PPP1R9A: variants seen among roughly 807,000 people sequenced by gnomAD.
PPP1R9A encodes protein phosphatase 1 regulatory subunit 9A, also known as neurabin-1.
In PPP1R9A, 59 loss-of-function variants were observed where a neutral mutation model predicts 141.9. That is an observed-to-expected ratio of 0.42 (90% CI 0.34 to 0.52). The LOEUF (loss-of-function observed/expected upper bound fraction) is 0.52, where lower values mean the gene tolerates loss of function less well. Among genes scored for constraint, PPP1R9A ranks in the 20% least tolerant of loss-of-function variants. The probability of loss-of-function intolerance (pLI) is 0.10; values close to 1 mark genes in which losing one functional copy is unlikely to be tolerated. For synonymous variants in PPP1R9A, 500 were observed against 569.7 expected (o/e 0.88, Z 1.74); for missense variants, 1,444 against 1,611.9 (o/e 0.90, Z 1.78).
chr7:95,234,793 A>G (rs1398133700), intron 8 of PPP1R9A, among the ~76,000 whole-genome samples: 1 of 152,146 alleles, frequency 6.6e-6, no homozygotes, highest in Non-Finnish European at 1.5e-5. Context: ...TCACCGATAT[A>G]GCATGGTACT....
intron 4 of PPP1R9A, among the ~76,000 whole-genome samples, chr7:95,129,726 G>A (rs1376197492): frequency 3.9e-5 from 6 of 152,192 alleles, no homozygotes; most frequent in African/African-American, 1.4e-4. Flanking sequence ...CCAGGCTGAG[G>A]TGTCCTCAGA....
At chr7:95,243,972 G>T (rs1488550495) in intron 8 of PPP1R9A, among the ~76,000 whole-genome samples, 1 of 152,076 alleles carries the variant, frequency 6.6e-6, no homozygotes, top group East Asian at 1.9e-4. Context: ...AACAAAAAGG[G>T]TTCAGTTAGT....
In PPP1R9A at chr7:95,244,822, A is replaced by G. The variant is rs567071225; in HGVS notation, c.2113-2651A>G. 3.3e-5 allele frequency among the ~76,000 whole-genome samples: 5 copies of G among 152,310 alleles called. No homozygotes were observed. The South Asian group carries it at 1.0e-3, about 32-fold the overall frequency. On this transcript the variant is annotated intron_variant, in intron 8 of 19. Coordinates refer to ENST00000433360, the MANE Select transcript of PPP1R9A (RefSeq NM_001166160.2). Reference sequence around the variant, plus strand: ...TCCTAGCTGAGTTTATTGAGGACATACTATATGCTAGCCACTGTGCTAAGT... The same window carrying G: ...TCCTAGCTGAGTTTATTGAGGACATGCTATATGCTAGCCACTGTGCTAAGT...
At chr7:95,003,627 T>G (rs767391771) in intron 2 of PPP1R9A, among the ~76,000 whole-genome samples, 16 of 152,178 alleles carry the variant, frequency 1.1e-4, no homozygotes, top group Non-Finnish European at 2.4e-4. Context: ...GATCAAATAC[T>G]TAGTAATTTA....
At chr7:95,177,317 C>T (rs1230504335) in intron 5 of PPP1R9A, among the ~76,000 whole-genome samples, 1 of 151,988 alleles carries the variant, frequency 6.6e-6, no homozygotes, top group Non-Finnish European at 1.5e-5. Context: ...CAAACAAATG[C>T]CAAGAGAATT....
chr7:95,151,941 C>CTTTTTTTTTTTTTTTTTT lies in PPP1R9A; in HGVS notation c.1650-9914_1650-9897dup, dbSNP rs1167382285. Among the ~76,000 whole-genome samples the CTTTTTTTTTTTTTTTTTT allele has an allele frequency of 3.7e-4, 20 of 54,464 alleles. 3 individuals are homozygous for CTTTTTTTTTTTTTTTTTT. The highest frequency in any genetic ancestry group is 1.5e-3 in the South Asian group (2 of 1,354). The allele number at this position is 54,464 out of a possible 152,430, so 35.7% of individuals were successfully genotyped here. A position where few individuals can be genotyped will look rare whatever the true frequency, so the allele number is the denominator to read the frequency against. On this transcript the variant is annotated intron_variant, in intron 4 of 19. Transcript: ENST00000433360. Reference sequence around the variant, plus strand: ...AATGTCAGCACATAGTACTGAGAATCTTTTTTTTTTTTTTTTTTTTTTTTT... The same window carrying CTTTTTTTTTTTTTTTTTT: ...AATGTCAGCACATAGTACTGAGAATCTTTTTTTTTTTTTTTTTTTTTTTTTTTTTTTTTTTTTTTTTTT...
chr7:95,016,394 C>T (rs1468302745), intron 2 of PPP1R9A, among the ~76,000 whole-genome samples: 9 of 151,612 alleles, frequency 5.9e-5, no homozygotes, highest in African/African-American at 1.7e-4. Context: ...TTGCCAAAAC[C>T]GGATAAAAAC....
At chr7:95,246,996 G>A (rs1483213955) in intron 8 of PPP1R9A, among the ~76,000 whole-genome samples, 1 of 152,126 alleles carries the variant, frequency 6.6e-6, no homozygotes, top group African/African-American at 2.4e-5. Flanking sequence ...CTCTCCCTTT[G>A]CAGTGGAGCT....
chr7:95,154,527 T>G (rs34139653), intron 4 of PPP1R9A, among the ~76,000 whole-genome samples: 1 of 152,134 alleles, frequency 6.6e-6, no homozygotes, highest in Non-Finnish European at 1.5e-5. Flanking sequence ...TTAAGAAGAA[T>G]TTTTTCCCTA....
At chr7:95,084,221 G>A (rs149179058) in intron 2 of PPP1R9A, among the ~76,000 whole-genome samples, 36 of 152,086 alleles carry the variant, frequency 2.4e-4, no homozygotes, top group African/African-American at 8.0e-4. Context: ...AAAATTCTGA[G>A]TTATTGGATG....
In PPP1R9A at chr7:95,037,456, G is replaced by A. The variant is rs17166598; in HGVS notation, c.1396-73803G>A. ...ATGATAATAATTATTAGGACCACAT[G>A]TGTTATGACCAAAAGTGATTTCATA... On this transcript the variant is annotated intron_variant, in intron 2 of 19. Coordinates refer to ENST00000433360, the MANE Select transcript of PPP1R9A (RefSeq NM_001166160.2). Among the ~76,000 whole-genome samples, 590 of 152,256 alleles carry A rather than the reference G, an allele frequency of 3.9e-3. 23 individuals are homozygous for A. The highest frequency in any genetic ancestry group is 0.036 in the East Asian group (184 of 5,164).
intron 2 of PPP1R9A, among the ~76,000 whole-genome samples, chr7:95,015,205 T>G (rs1325671898): frequency 7.1e-6 from 1 of 139,986 alleles, no homozygotes; most frequent in East Asian, 2.0e-4. Flanking sequence ...AAAATATATA[T>G]GTACACACAC....
intron 2 of PPP1R9A, among the ~76,000 whole-genome samples, chr7:95,051,660 G>T (rs183604316): frequency 1.6e-4 from 24 of 152,108 alleles, no homozygotes; most frequent in East Asian, 3.9e-4. Flanking sequence ...ATTTTCTGGG[G>T]TTACCCAGTT....
intron 7 of PPP1R9A, among the ~76,000 whole-genome samples, chr7:95,224,823 C>T (rs2152951309): frequency 6.6e-6 from 1 of 152,074 alleles, no homozygotes; most frequent in South Asian, 2.1e-4. Context: ...AGGAATAGAT[C>T]ATTCAGTACA....
chr7:95,078,062 G>A (rs1268155901), intron 2 of PPP1R9A, among the ~76,000 whole-genome samples: 1 of 149,838 alleles, frequency 6.7e-6, no homozygotes, highest in East Asian at 2.0e-4. Flanking sequence ...CATGTGCCAT[G>A]CTGGTGTGCT....
At chr7:95,057,131 GTCTTTTTTTCCTTT>G (rs1209054984) in intron 2 of PPP1R9A, among the ~76,000 whole-genome samples, 1 of 152,058 alleles carries the variant, frequency 6.6e-6, no homozygotes, top group African/African-American at 2.4e-5. Flanking sequence ...ATGTTGAGTT[GTCTTTTTTTCCTTT>G]TCTTTTTTTC....
intron 4 of PPP1R9A, among the ~76,000 whole-genome samples, chr7:95,142,329 T>C (rs1033437418): frequency 7.9e-5 from 12 of 152,116 alleles, no homozygotes; most frequent in African/African-American, 2.7e-4. Context: ...GATAGTTTCC[T>C]TAGAAACATA....
At chr7:94,929,879 A>T (rs1198906634) in intron 2 of PPP1R9A, among the ~76,000 whole-genome samples, 1 of 152,152 alleles carries the variant, frequency 6.6e-6, no homozygotes, top group Non-Finnish European at 1.5e-5. Flanking sequence ...AGATGATAAG[A>T]GGTGCTATTT....
chr7:95,022,394 A>G (rs922159961), intron 2 of PPP1R9A, among the ~76,000 whole-genome samples: 5 of 151,858 alleles, frequency 3.3e-5, no homozygotes, highest in Non-Finnish European at 7.4e-5. Context: ...GAGTTTGTAA[A>G]TATACAATAT....
Sources: allele counts gnomAD v4.1 joint callset (sites outside exome capture counted in the v4.1 genomes callset), GRCh38; gene constraint gnomAD v4.1.1; transcripts MANE v1.5; gene names NCBI Gene and HGNC (gene_info 2026-07-23, HGNC 2026-07-21).